The following SPAST variants were observed in gnomAD, a reference collection of about 807,000 sequenced individuals.
The protein encoded by SPAST is spastin.
Under a neutral mutation model 76.6 loss-of-function variants are expected in SPAST, and 30 were observed. The observed-to-expected ratio is 0.39, with a 90% CI of 0.29 to 0.53. The LOEUF is 0.53. SPAST is among the 20% of genes least tolerant of loss of function. SPAST has a pLI of 0.68. For missense variants in SPAST, 717 were observed against 770.5 expected, an observed-to-expected ratio of 0.93 and a Z score of 0.82; for synonymous variants, 305 against 281.0, an observed-to-expected ratio of 1.09 and a Z score of -0.86.
chr2:32,142,890 A>G (rs935094507), intron 13 of SPAST, among the ~76,000 whole-genome samples: 3 of 152,222 alleles, frequency 2.0e-5, no homozygotes, highest in South Asian at 2.1e-4. Flanking sequence ...AATTCATAGT[A>G]GATGAATTCA....
At chr2:32,072,707 T>C (rs1467695288) in intron 1 of SPAST, among the ~76,000 whole-genome samples, 1 of 152,212 alleles carries the variant, frequency 6.6e-6, no homozygotes. Context: ...TATTTAAAAC[T>C]CACGTATAAA....
chr2:32,069,707 C>T (rs902315347), intron 1 of SPAST, among the ~76,000 whole-genome samples: 2 of 152,008 alleles, frequency 1.3e-5, no homozygotes, highest in Admixed American at 6.6e-5. Context: ...CAGGCGCCTG[C>T]CATCACACCT....
At chr2:32,113,281 C>T (rs1046669107) in intron 4 of SPAST, among the ~76,000 whole-genome samples, 2 of 151,876 alleles carry the variant, frequency 1.3e-5, no homozygotes, top group African/African-American at 4.8e-5. Context: ...GATGGGGTTT[C>T]ACCATGTTGG....
At chr2:32,136,770 T>A (rs1199873470) in intron 10 of SPAST, 107 bp from the exon 11 acceptor site, 4 of 1,198,872 alleles carry the variant, frequency 3.3e-6, no homozygotes, top group Admixed American at 1.8e-5. Context: ...GACTATCTAA[T>A]GAATTTAGTA....
At chr2:32,150,483 G>A (rs1680046526) in intron 16 of SPAST, among the ~76,000 whole-genome samples, 1 of 150,892 alleles carries the variant, frequency 6.6e-6, no homozygotes, top group Admixed American at 6.6e-5. Context: ...GGTTGCCCAG[G>A]CTGGAGTGCA....
intron 16 of SPAST, among the ~76,000 whole-genome samples, chr2:32,148,570 G>T (rs542136889): frequency 6.6e-6 from 1 of 152,162 alleles, no homozygotes; most frequent in South Asian, 2.1e-4. Flanking sequence ...AGCACTTTGG[G>T]AGGCCGAGGC....
intron 7 of SPAST, among the ~76,000 whole-genome samples, chr2:32,122,363 C>A (rs1460739421): frequency 6.6e-6 from 1 of 152,092 alleles, no homozygotes. Context: ...ACTCTGTTGC[C>A]CAGGCTGGAG....
At chr2:32,085,464 G>C (rs916158134) in intron 1 of SPAST, among the ~76,000 whole-genome samples, 1 of 152,036 alleles carries the variant, frequency 6.6e-6, no homozygotes, top group Non-Finnish European at 1.5e-5. Context: ...CAGTCCTCCT[G>C]CCTTGGCCTC....
At chr2:32,065,859 T>G (rs1023751890) in intron 1 of SPAST, 2 of 152,204 alleles carry the variant, frequency 1.3e-5, no homozygotes, top group African/African-American at 4.8e-5. Context: ...GAGGCAGTTA[T>G]TCATTGTTTT....
chr2:32,119,127 A>G (rs1573126570), intron 7 of SPAST, among the ~76,000 whole-genome samples: 1 of 152,186 alleles, frequency 6.6e-6, no homozygotes, highest in African/African-American at 2.4e-5. Flanking sequence ...CTAAAGGTTT[A>G]TATCCTGGTA....
At chr2:32,081,790 A>AAAAAAAG (rs1677237943) in intron 1 of SPAST, among the ~76,000 whole-genome samples, 1 of 148,058 alleles carries the variant, frequency 6.8e-6, no homozygotes, top group Non-Finnish European at 1.5e-5. Context: ...TCAAAAAAAA[A>AAAAAAAG]AAAAAAAAAA....
chr2:32,067,057 A>T (rs1379738551), intron 1 of SPAST, among the ~76,000 whole-genome samples: 1 of 151,284 alleles, frequency 6.6e-6, no homozygotes, highest in Non-Finnish European at 1.5e-5. Context: ...ATGCAAGGAA[A>T]TTTTTTTTAT....
At chr2:32,102,062 G>A (rs1211534988) in intron 4 of SPAST, among the ~76,000 whole-genome samples, 1 of 152,118 alleles carries the variant, frequency 6.6e-6, no homozygotes, top group Non-Finnish European at 1.5e-5. Flanking sequence ...AAATTACCTT[G>A]GGCAGTGTGG....
chr2:32,085,896 G>A (rs1248718971), intron 1 of SPAST, among the ~76,000 whole-genome samples: 2 of 151,984 alleles, frequency 1.3e-5, no homozygotes, highest in East Asian at 3.9e-4. Context: ...ACAAAAATTA[G>A]CTGGGTGTGG....
intron 1 of SPAST, among the ~76,000 whole-genome samples, chr2:32,085,462 C>T (rs1228914906): frequency 1.3e-5 from 2 of 152,096 alleles, no homozygotes; most frequent in Non-Finnish European, 1.5e-5. Flanking sequence ...AGCAGTCCTC[C>T]TGCCTTGGCC....
At chr2:32,149,572 G>A (rs1680008467) in intron 16 of SPAST, among the ~76,000 whole-genome samples, 3 of 152,154 alleles carry the variant, frequency 2.0e-5, no homozygotes, top group Non-Finnish European at 4.4e-5. Context: ...CGTGGATTCT[G>A]CATTCATGGA....
At chr2:32,072,309 C>G (rs891040313) in intron 1 of SPAST, among the ~76,000 whole-genome samples, 1 of 152,294 alleles carries the variant, frequency 6.6e-6, no homozygotes, top group Non-Finnish European at 1.5e-5. Flanking sequence ...TCCCAAAGTG[C>G]TGGGATTACA....
intron 4 of SPAST, among the ~76,000 whole-genome samples, chr2:32,107,720 G>A (rs1047421416): frequency 1.3e-5 from 2 of 152,150 alleles, no homozygotes; most frequent in African/African-American, 4.8e-5. Context: ...CAAGCATTTC[G>A]CATAAGGGAT....
intron 7 of SPAST, among the ~76,000 whole-genome samples, chr2:32,119,963 ATTGT>A (rs1678961691): frequency 6.7e-6 from 1 of 149,488 alleles, no homozygotes; most frequent in African/African-American, 2.4e-5. Context: ...GAAGAATGTG[ATTGT>A]TCTCCAGTTT....
Sources: gnomAD v4.1 joint callset for allele counts (sites outside exome capture counted in the v4.1 genomes callset) on GRCh38, gnomAD v4.1.1 for gene constraint, MANE v1.5 for transcripts, NCBI Gene and HGNC (gene_info 2026-07-23, HGNC 2026-07-21) for gene names.